Variants in NFE2L2 observed in about 807,000 individuals in gnomAD.
NFE2L2 encodes NFE2 like bZIP transcription factor 2.
A neutral mutation model predicts 49.6 loss-of-function variants in NFE2L2; 20 were observed. That is an observed-to-expected ratio of 0.40 (90% CI 0.28 to 0.59). The LOEUF (loss-of-function observed/expected upper bound fraction) is 0.59, where lower values mean the gene tolerates loss of function less well. NFE2L2 is among the 20% of genes least tolerant of loss of function. The pLI is 0.40. For synonymous variants in NFE2L2, 244 were observed against 256.5 expected (o/e 0.95, Z 0.47); for missense variants, 578 against 714.2 (o/e 0.81, Z 2.17).
At position 177,264,645 on chromosome 2, in the gene NFE2L2, G is replaced by A. The variant is rs963928831; in HGVS notation, c.-69C>T. 5.9e-6 allele frequency: 8 copies of A among 1,365,160 alleles called. No individual in the cohort carries two copies. Among genetic ancestry groups the A allele is most frequent in the Non-Finnish European group, 7.7e-6 (8 of 1,044,660 alleles). 84.6% of individuals were successfully genotyped at this position (1,365,160 alleles called of 1,614,324 possible). A position where few individuals can be genotyped will look rare whatever the true frequency, so the allele number is the denominator to read the frequency against. Reference sequence around the variant, plus strand: ...TGTTCCGGCTGCCGAGGCGCGGCGCGGACAGGGCGGCTCTGGTGGCGGCGG... The same window carrying A: ...TGTTCCGGCTGCCGAGGCGCGGCGCAGACAGGGCGGCTCTGGTGGCGGCGG... On this transcript the variant is annotated 5_prime_UTR_variant, in exon 1 of 5. Transcript: ENST00000397062.
At chr2:177,263,559 G>C (rs1239087327) in intron 1 of NFE2L2, 1 of 985,228 alleles carries the variant, frequency 1.0e-6, no homozygotes, top group Non-Finnish European at 1.2e-6. Context: ...GGCGAGGTTT[G>C]CACGCTATAA....
Position 177,233,310 on chromosome 2 carries a change from C to T in NFE2L2, c.342G>A (p.Leu114=). 1 of 1,610,656 alleles carries T rather than the reference C, an allele frequency of 6.2e-7. No homozygotes were observed. The highest frequency in any genetic ancestry group is 8.5e-7 in the Non-Finnish European group (1 of 1,179,002). Residue 114 remains leucine (L), a synonymous_variant, in exon 3 of 5, where the codon TTG becomes TTA. Coordinates refer to ENST00000397062, the MANE Select transcript of NFE2L2 (RefSeq NM_006164.5). The part of the protein sequence containing the change: ...QVAHIPKSDA[L]YFDDCMQLLA... ...AAAGCTGCATGCAGTCATCAAAGTA[C>T]AAAGCATCTGATTTGGGAATGTGGG...
intron 1 of NFE2L2, among the ~76,000 whole-genome samples, chr2:177,264,178 C>T (rs1038760838): frequency 8.5e-5 from 13 of 152,166 alleles, no homozygotes; most frequent in Non-Finnish European, 1.5e-4. Flanking sequence ...TCTTGCCCCG[C>T]CGCCCACCGG....
At chr2:177,255,222 T>G (rs1417932368) in intron 1 of NFE2L2, among the ~76,000 whole-genome samples, 4 of 152,202 alleles carry the variant, frequency 2.6e-5, no homozygotes, top group African/African-American at 7.2e-5. Flanking sequence ...ACTTTACTTC[T>G]CAGGATCAAC....
intron 1 of NFE2L2, among the ~76,000 whole-genome samples, chr2:177,244,226 G>A (rs1049933508): frequency 2.7e-5 from 4 of 150,912 alleles, no homozygotes; most frequent in Non-Finnish European, 4.4e-5. Flanking sequence ...GCTTGAACCC[G>A]GGGAGGCAGA....
Position 177,243,151 on chromosome 2 carries a change from G to A in NFE2L2, c.46-8880C>T, listed in dbSNP as rs561439058. ...TTAGGTCTTGTACTGCCCTTAGAAT[G>A]ATCCAACCCTCCCCACACCCGACCC... On this transcript the variant is annotated intron_variant, in intron 1 of 4. Transcript: ENST00000397062. Among the ~76,000 whole-genome samples the A allele has an allele frequency of 4.6e-5, 7 of 152,148 alleles. No homozygotes were observed. The South Asian group carries it at 1.5e-3, about 32-fold the overall frequency.
chr2:177,242,935 G>C (rs1689992145), intron 1 of NFE2L2, among the ~76,000 whole-genome samples: 1 of 148,794 alleles, frequency 6.7e-6, no homozygotes, highest in Non-Finnish European at 1.5e-5. Context: ...GTTTGTGTTT[G>C]AGTAGGATAC....
chr2:177,243,715 T>C (rs1690018667), intron 1 of NFE2L2, among the ~76,000 whole-genome samples: 2 of 152,162 alleles, frequency 1.3e-5, no homozygotes, highest in South Asian at 4.1e-4. Flanking sequence ...ATGTTACTCA[T>C]GCTGGTCTCA....
At chr2:177,232,269 C>T in intron 4 of NFE2L2, 123 bp downstream of exon 4, 1 of 1,033,848 alleles carries the variant, frequency 9.7e-7, no homozygotes, top group Non-Finnish European at 1.4e-6. Flanking sequence ...ATGGGCAGTA[C>T]TCATGACTAA....
chr2:177,251,661 G>A (rs957577782), intron 1 of NFE2L2, among the ~76,000 whole-genome samples: 1 of 152,104 alleles, frequency 6.6e-6, no homozygotes, highest in South Asian at 2.1e-4. Context: ...CAAGGAGAAT[G>A]AGAGGTTTAT....
At chr2:177,259,025 G>A (rs1690631308) in intron 1 of NFE2L2, among the ~76,000 whole-genome samples, 1 of 152,218 alleles carries the variant, frequency 6.6e-6, no homozygotes, top group African/African-American at 2.4e-5. Flanking sequence ...AGATGGACTT[G>A]GAGGTCAGGC....
At chr2:177,250,318 T>C (rs952765814) in intron 1 of NFE2L2, among the ~76,000 whole-genome samples, 1 of 152,176 alleles carries the variant, frequency 6.6e-6, no homozygotes, top group Non-Finnish European at 1.5e-5. Context: ...GTTCAGAAAT[T>C]GTATTTCAAC....
In NFE2L2 at chr2:177,233,245, C is replaced by T. The variant is rs2105456705; in HGVS notation, c.402+5G>A. The stretch of plus-strand genomic sequence containing the variant: ...TTCTATTAACCAGGTTATTTTATAC[C>T]TCACCTCATTGTCATCTACAAACGG... On this transcript the variant is annotated splice_donor_5th_base_variant and intron_variant, in intron 3 of 4. Coordinates refer to ENST00000397062, the MANE Select transcript of NFE2L2 (RefSeq NM_006164.5). 1 of 1,581,512 alleles carries T rather than the reference C, an allele frequency of 6.3e-7. No individual in the cohort carries two copies. Among genetic ancestry groups the T allele is most frequent in the Non-Finnish European group, 8.6e-7 (1 of 1,169,580 alleles).
chr2:177,255,900 T>C (rs1345403457), intron 1 of NFE2L2: 1 of 152,896 alleles, frequency 6.5e-6, no homozygotes, highest in Non-Finnish European at 1.5e-5. Flanking sequence ...TTATGTCTCA[T>C]TGAGAATCAT....
intron 1 of NFE2L2, among the ~76,000 whole-genome samples, chr2:177,247,178 C>T (rs1184203932): frequency 6.6e-6 from 1 of 152,140 alleles, no homozygotes; most frequent in Non-Finnish European, 1.5e-5. Context: ...CTCGCACCAG[C>T]AGTGTGAGCG....
chr2:177,232,578 A>G lies in NFE2L2; in HGVS notation c.408T>C (p.Ser136=). Residue 136 remains serine, a synonymous_variant, in exon 4 of 5, where the codon TCT becomes TCC. Coordinates refer to ENST00000397062, the MANE Select transcript of NFE2L2 (RefSeq NM_006164.5). ...GAACAAGTGACTGAAACGTAGCCGA[A>G]GAAACCTAAAATTGATAAGGCATTG... ...TFPFVDDNEV[S]SATFQSLVPD... 6.2e-7 allele frequency: 1 copy of G among 1,613,808 alleles called. No homozygotes were observed. The highest frequency in any genetic ancestry group is 8.5e-7 in the Non-Finnish European group (1 of 1,179,722).
rs1216478393 is a variant in NFE2L2, at chr2:177,232,012, C to A, written c.595-4G>T. Reference sequence around the variant, plus strand: ...TGTCATTTTCAATATTAAGACACTGCATGAGAAGGAAGTTTATACTATATA... The same window carrying A: ...TGTCATTTTCAATATTAAGACACTGAATGAGAAGGAAGTTTATACTATATA... On this transcript the variant is annotated splice_region_variant and splice_polypyrimidine_tract_variant and intron_variant, in intron 4 of 4. Transcript: ENST00000397062. 6.3e-7 allele frequency: 1 copy of A among 1,585,542 alleles called. No individual in the cohort carries two copies. The highest frequency in any genetic ancestry group is 1.4e-5 in the African/African-American group (1 of 73,580).
intron 1 of NFE2L2, chr2:177,264,294 G>A (rs1035322406): frequency 3.0e-5 from 14 of 473,614 alleles, no homozygotes; most frequent in South Asian, 2.2e-4. Context: ...AGACCTTCCC[G>A]CAACTTCCCA....
At chr2:177,233,075 T>G in intron 3 of NFE2L2, 175 bp downstream of exon 3, 1 of 589,536 alleles carries the variant, frequency 1.7e-6, no homozygotes, top group South Asian at 2.4e-5. Context: ...AATTGTAAAG[T>G]TATTTATAGG....
Sources: allele counts gnomAD v4.1 joint callset (sites outside exome capture counted in the v4.1 genomes callset), GRCh38; gene constraint gnomAD v4.1.1; transcripts MANE v1.5; gene names NCBI Gene and HGNC (gene_info 2026-07-23, HGNC 2026-07-21).